Variants in CHD2 observed in about 807,000 individuals in gnomAD.
CHD2 encodes ATP-dependent chromatin remodeler CHD2.
In CHD2, 28 loss-of-function variants were observed where a neutral mutation model predicts 243.9. That is an observed-to-expected ratio of 0.11 (90% confidence interval 0.09 to 0.16). CHD2 has a LOEUF of 0.16. Among genes scored for constraint, CHD2 ranks in the 10% least tolerant of loss-of-function variants. CHD2 has a pLI of 1.00. For synonymous variants in CHD2, 775 were observed against 779.0 expected (o/e 0.99, Z 0.09); for missense variants, 1,386 against 2,209.8 (o/e 0.63, Z 7.47).
chr15:92,960,718 T>TTTG (rs1269254336), intron 16 of CHD2, among the ~76,000 whole-genome samples: 1 of 143,018 alleles, frequency 7.0e-6, no homozygotes, highest in Non-Finnish European at 1.5e-5. Context: ...TTTTTTTTTT[T>TTTG]TTTTTTTTTT....
At chr15:92,913,025 A>T (rs2052769554) in intron 2 of CHD2, among the ~76,000 whole-genome samples, 1 of 152,246 alleles carries the variant, frequency 6.6e-6, no homozygotes, top group Admixed American at 6.5e-5. Context: ...ATCTAGCTTT[A>T]TATAGACGTT....
chr15:92,928,496 C>CGTTT (rs35895509), intron 4 of CHD2, among the ~76,000 whole-genome samples: 2 of 151,722 alleles, frequency 1.3e-5, no homozygotes, highest in Non-Finnish European at 2.9e-5. Flanking sequence ...TGAACATACT[C>CGTTT]TTAAATGAGT....
At chr15:92,940,786 AATATATAAAT>A (rs1464238377) in intron 7 of CHD2, among the ~76,000 whole-genome samples, 1 of 130,822 alleles carries the variant, frequency 7.6e-6, no homozygotes, top group Non-Finnish European at 1.7e-5. Context: ...AAATATAAAA[AATATATAAAT>A]ATATAAATAA....
intron 2 of CHD2, among the ~76,000 whole-genome samples, chr15:92,903,563 TAAA>T (rs1030526334): frequency 6.7e-6 from 1 of 149,800 alleles, no homozygotes; most frequent in South Asian, 2.2e-4. Flanking sequence ...TTTTGAAAAT[TAAA>T]AACTTTAAAA....
In CHD2 at chr15:93,020,022, C is replaced by G. The variant is rs575697793; in HGVS notation, c.4917C>G (p.Asp1639Glu). Residue 1639 changes from aspartate to glutamate, a missense_variant, in exon 38 of 39, where the codon GAC becomes GAG. This residue lies in a region of CHD2 where 347 missense variants were observed against 341.6 expected (regional missense o/e 1.02). Coordinates refer to ENST00000394196, the MANE Select transcript of CHD2 (RefSeq NM_001271.4). ...TTTCTTTTCCTGCAGATCGAGGAGA[C>G]TGGCAGAGGGAAAGAAAGTTCAACT... ...KRHFSNADRG[D>E]WQRERKFNYG... 9 of 1,610,526 alleles carry G rather than the reference C, an allele frequency of 5.6e-6. No individual in the cohort carries two copies. The African/African-American group carries it at 1.1e-4, about 19-fold the overall frequency.
At chr15:92,925,515 T>G (rs974165403) in intron 3 of CHD2, among the ~76,000 whole-genome samples, 5 of 152,362 alleles carry the variant, frequency 3.3e-5, no homozygotes, top group Admixed American at 1.3e-4. Context: ...AACTAGTTGA[T>G]GTAGTAACAC....
chr15:92,972,481 C>T, intron 19 of CHD2, 64 bp downstream of exon 19: 1 of 1,379,782 alleles, frequency 7.2e-7, no homozygotes, highest in Non-Finnish European at 9.9e-7. Context: ...CCCTCCCCAA[C>T]CTTCCTACAC....
intron 28 of CHD2, 142 bp from the exon 29 acceptor site, chr15:92,996,815 T>C: frequency 1.4e-6 from 1 of 729,546 alleles, no homozygotes. Context: ...GAAAAAAATT[T>C]GTCTTATAGA....
intron 24 of CHD2, among the ~76,000 whole-genome samples, chr15:92,983,166 C>G (rs1359733214): frequency 6.6e-6 from 1 of 152,166 alleles, no homozygotes; most frequent in Admixed American, 6.5e-5. Flanking sequence ...GGATTTCATC[C>G]TATGACTTTT....
intron 19 of CHD2, 93 bp downstream of exon 19, chr15:92,972,510 T>A: frequency 1.8e-6 from 2 of 1,134,324 alleles, no homozygotes; most frequent in Non-Finnish European, 2.4e-6. Context: ...ATGCTTTGCT[T>A]GTTAAAGTAG....
chr15:92,935,725 A>T (rs566480293), intron 5 of CHD2, among the ~76,000 whole-genome samples: 10 of 152,242 alleles, frequency 6.6e-5, no homozygotes, highest in Admixed American at 3.3e-4. Context: ...CTTCCTGGTG[A>T]TCACCTTATA....
rs1443580647 is a variant in CHD2 at position 93,027,946 on chromosome 15, C to T, written c.*3241C>T. 1 of 152,640 alleles carries T rather than the reference C, an allele frequency of 6.6e-6. No individual in the cohort carries two copies. The highest frequency in any genetic ancestry group is 1.5e-5 in the Non-Finnish European group (1 of 68,036). The allele number at this position is 152,640 out of a possible 1,614,324, so 9.5% of individuals were successfully genotyped here. On this transcript the variant is annotated 3_prime_UTR_variant, in exon 39 of 39. Transcript: ENST00000394196. ...TAAATTTTCCTACATTGTAAAACTG[C>T]TGTACTTTTGATTCTTGTATATTAA...
chr15:92,965,565 C>CAAAAAAAAAAA (rs61447848), intron 16 of CHD2, among the ~76,000 whole-genome samples: 71 of 111,030 alleles, frequency 6.4e-4, no homozygotes, highest in Non-Finnish European at 9.4e-4. Context: ...ACTCTTTCTC[C>CAAAAAAAAAAA]AAAAAAAAAA....
chr15:92,990,604 T>G (rs1318074369), intron 26 of CHD2, among the ~76,000 whole-genome samples: 1 of 152,216 alleles, frequency 6.6e-6, no homozygotes, highest in Non-Finnish European at 1.5e-5. Flanking sequence ...TATAATACTT[T>G]CCTAACCTTT....
intron 2 of CHD2, among the ~76,000 whole-genome samples, chr15:92,903,321 G>C (rs914248588): frequency 2.0e-5 from 3 of 152,052 alleles, no homozygotes; most frequent in African/African-American, 7.3e-5. Flanking sequence ...TAGTGTTTAG[G>C]GAATACTACG....
At chr15:92,976,482 C>G (rs757271324) in intron 20 of CHD2, among the ~76,000 whole-genome samples, 1 of 151,592 alleles carries the variant, frequency 6.6e-6, no homozygotes, top group Admixed American at 6.6e-5. Context: ...TTACCTAATT[C>G]GGATCATGTT....
chr15:92,991,476 G>A lies in CHD2; in HGVS notation c.3414G>A (p.Arg1138=). 2.5e-6 allele frequency: 4 copies of A among 1,603,522 alleles called. No homozygotes were observed. In the South Asian group the frequency reaches 4.5e-5, roughly 18 times the overall value. Residue 1138 remains arginine, a splice_region_variant and synonymous_variant, in exon 27 of 39, where the codon AGG becomes AGA. Transcript: ENST00000394196. ...TATGTTTTATTGATCCTATTCTTAG[G>A]TTCATCAAGGCTTATAAGAAGTTTG... ...VEGFTDAEIR[R]FIKAYKKFGL... is the part of the protein sequence containing the mutation.
At chr15:92,910,682 C>T (rs1039468924) in intron 2 of CHD2, among the ~76,000 whole-genome samples, 3 of 152,174 alleles carry the variant, frequency 2.0e-5, no homozygotes, top group African/African-American at 7.2e-5. Context: ...AGGGGTGAGC[C>T]ACTGCGCCTG....
intron 13 of CHD2, among the ~76,000 whole-genome samples, chr15:92,953,016 T>C (rs373233090): frequency 6.6e-6 from 1 of 152,258 alleles, no homozygotes; most frequent in Non-Finnish European, 1.5e-5. Flanking sequence ...AGTCTAAGGT[T>C]ACATGCTTGT....
Sources: allele counts gnomAD v4.1 joint callset (sites outside exome capture counted in the v4.1 genomes callset), GRCh38; gene constraint gnomAD v4.1.1; regional missense constraint gnomAD v4.1.1; transcripts MANE v1.5; gene names NCBI Gene and HGNC (gene_info 2026-07-23, HGNC 2026-07-21).